DPH6: variants seen among roughly 807,000 people sequenced by gnomAD.
The protein encoded by DPH6 is diphthamine biosynthesis 6, also known as diphthine--ammonia ligase.
In DPH6, 33 loss-of-function variants were observed where a neutral mutation model predicts 38.2. The ratio of observed to expected loss-of-function variants is 0.86; its 90% CI spans 0.65 to 1.15. DPH6 has a LOEUF of 1.15. Among genes scored for constraint, DPH6 ranks in the 50% most tolerant of loss-of-function variants. DPH6 has a pLI of 0.00. For synonymous variants in DPH6, 108 were observed against 103.0 expected (o/e 1.05, Z -0.30); for missense variants, 325 against 320.0 (o/e 1.02, Z -0.12).
At chr15:35,314,492 C>A (rs1267163100) in intron 3 of DPH6, among the ~76,000 whole-genome samples, 7 of 152,154 alleles carry the variant, frequency 4.6e-5, no homozygotes, top group African/African-American at 1.4e-4. Context: ...ATCAACAACG[C>A]ATTTGGTCTG....
intron 3 of DPH6, among the ~76,000 whole-genome samples, chr15:35,525,210 A>G (rs79246057): frequency 0.018 from 2,683 of 152,318 alleles, 81 homozygotes; most frequent in African/African-American, 0.06. Flanking sequence ...GCTACACTTG[A>G]GGAAATCAAG....
chr15:35,438,609 A>G (rs907239570), intron 5 of DPH6, among the ~76,000 whole-genome samples: 7 of 152,176 alleles, frequency 4.6e-5, no homozygotes, highest in African/African-American at 1.7e-4. Flanking sequence ...AATATCCTAT[A>G]ACTATTGGAT....
At chr15:35,397,563 C>G (rs2053151602) in intron 6 of DPH6, among the ~76,000 whole-genome samples, 1 of 152,052 alleles carries the variant, frequency 6.6e-6, no homozygotes, top group Non-Finnish European at 1.5e-5. Context: ...GAACACTGAG[C>G]CTGTGGCCAG....
At chr15:35,413,787 C>G (rs2053400535) in intron 5 of DPH6, among the ~76,000 whole-genome samples, 2 of 151,544 alleles carry the variant, frequency 1.3e-5, no homozygotes, top group Admixed American at 6.6e-5. Flanking sequence ...TTTCTACCAT[C>G]TGAGTATAAA....
intron 3 of DPH6, among the ~76,000 whole-genome samples, chr15:35,466,802 T>G (rs1449152537): frequency 6.6e-6 from 1 of 152,132 alleles, no homozygotes; most frequent in Non-Finnish European, 1.5e-5. Context: ...CTGTAGGGAA[T>G]TGTAACAATG....
At chr15:35,356,112 G>A (rs1460959349) in intron 3 of DPH6, among the ~76,000 whole-genome samples, 5 of 152,026 alleles carry the variant, frequency 3.3e-5, no homozygotes, top group African/African-American at 7.3e-5. Flanking sequence ...CATAGTTCTC[G>A]TGCCGTAGTT....
At chr15:35,477,194 T>C (rs2054273285) in intron 3 of DPH6, among the ~76,000 whole-genome samples, 1 of 151,844 alleles carries the variant, frequency 6.6e-6, no homozygotes, top group African/African-American at 2.4e-5. Flanking sequence ...GATTAAAATG[T>C]ACAATTAATA....
At chr15:35,234,021 C>A (rs1209837649) in intron 3 of DPH6, among the ~76,000 whole-genome samples, 1 of 152,010 alleles carries the variant, frequency 6.6e-6, no homozygotes, top group African/African-American at 2.4e-5. Flanking sequence ...CGTGTATGGC[C>A]CCCAACCCCC....
chr15:35,383,607 T>C (rs1419758615), intron 6 of DPH6, among the ~76,000 whole-genome samples: 1 of 152,070 alleles, frequency 6.6e-6, no homozygotes, highest in Non-Finnish European at 1.5e-5. Context: ...CTTCTCCCTT[T>C]CTATTACTGA....
the DPH6 span, among the ~76,000 whole-genome samples, chr15:35,156,221 C>T: frequency 5.3e-5 from 8 of 152,140 alleles, no homozygotes; most frequent in African/African-American, 1.7e-4. Flanking sequence ...TTGTTTTTGG[C>T]ATATGTTGTA....
Position 35,542,488 on chromosome 15 carries a change from A to G in DPH6, c.43T>C (p.Tyr15His). Residue 15 changes from tyrosine (Y) to histidine (H), a missense_variant, in exon 2 of 9, where the codon TAT becomes CAT. Transcript: ENST00000256538. ...ALISGGKDSC[Y>H]NMMQCIAAGH... Reference sequence around the variant, plus strand: ...GCAGCAATGCACTGCATCATATTATAGCAGCTGTCCTTCCCACCACTAAAC... The same window carrying G: ...GCAGCAATGCACTGCATCATATTATGGCAGCTGTCCTTCCCACCACTAAAC... 2.6e-6 allele frequency: 4 copies of G among 1,565,744 alleles called. No individual in the cohort carries two copies. In the South Asian group the frequency reaches 4.6e-5, roughly 18 times the overall value.
chr15:35,538,943 G>C (rs148651654), intron 2 of DPH6, among the ~76,000 whole-genome samples: 265 of 152,048 alleles, frequency 1.7e-3, no homozygotes, highest in African/African-American at 6.0e-3. Flanking sequence ...GATCATTTTG[G>C]TATATTTTAT....
At chr15:35,450,524 C>G (rs913728754) in intron 5 of DPH6, among the ~76,000 whole-genome samples, 161 bp downstream of exon 5, 25 of 150,486 alleles carry the variant, frequency 1.7e-4, no homozygotes, top group African/African-American at 6.1e-4. Context: ...TTTAAAACTT[C>G]CTTTTCTTTA....
At chr15:35,393,356 A>G (rs1476986582) in intron 6 of DPH6, among the ~76,000 whole-genome samples, 1 of 152,224 alleles carries the variant, frequency 6.6e-6, no homozygotes. Flanking sequence ...CTTATGACAA[A>G]CGATGAATTA....
At chr15:35,426,309 A>C (rs1223683456) in intron 5 of DPH6, among the ~76,000 whole-genome samples, 1 of 151,774 alleles carries the variant, frequency 6.6e-6, no homozygotes, top group Non-Finnish European at 1.5e-5. Context: ...AACCTTTTTT[A>C]AACAAAATAA....
chr15:35,320,193 A>G (rs1200920987), intron 3 of DPH6, among the ~76,000 whole-genome samples: 2 of 151,718 alleles, frequency 1.3e-5, no homozygotes, highest in Non-Finnish European at 2.9e-5. Flanking sequence ...AATTTCATTT[A>G]TTTCCCAACT....
chr15:35,372,243 A>G (rs2052722781), intron 8 of DPH6, 40 bp from the exon 9 acceptor site: 2 of 1,417,132 alleles, frequency 1.4e-6, no homozygotes, highest in Non-Finnish European at 1.9e-6. Flanking sequence ...AAAATGCACC[A>G]TATTTATTCA....
chr15:35,418,693 T>C (rs561984988), intron 5 of DPH6, among the ~76,000 whole-genome samples: 1 of 152,276 alleles, frequency 6.6e-6, no homozygotes, highest in Non-Finnish European at 1.5e-5. Context: ...GCATCATCTA[T>C]GAATAAATGT....
chr15:35,222,828 T>G lies in DPH6; in HGVS notation n.201-2246A>C, dbSNP rs529240038. On this transcript the variant is annotated intron_variant and non_coding_transcript_variant, in intron 3 of 3. Coordinates refer to the DPH6 transcript ENST00000560386. ...CATTGCCAGGGTGAAATTCAACTGT[T>G]TCAGGGTAAAGATCTTGAGGCCCAC... 1.4e-4 allele frequency among the ~76,000 whole-genome samples: 22 copies of G among 152,198 alleles called. 2 individuals are homozygous for G. In the South Asian group the frequency reaches 4.6e-3, roughly 32 times the overall value.
Sources: gnomAD v4.1 joint callset for allele counts (sites outside exome capture counted in the v4.1 genomes callset) on GRCh38, gnomAD v4.1.1 for gene constraint, MANE v1.5 for transcripts, NCBI Gene and HGNC (gene_info 2026-07-23, HGNC 2026-07-21) for gene names.